The following INPP5K variants were observed in gnomAD, a reference collection of about 807,000 sequenced individuals.
The protein encoded by INPP5K is inositol polyphosphate-5-phosphatase K.
INPP5K carries 35 observed loss-of-function variants against 53.5 expected under a neutral mutation model. That is an observed-to-expected ratio of 0.65 (90% CI 0.50 to 0.87). The LOEUF (loss-of-function observed/expected upper bound fraction) is 0.87. INPP5K is among the 40% of genes least tolerant of loss of function. The pLI is 0.00. For missense variants in INPP5K, 550 were observed against 586.2 expected, an observed-to-expected ratio of 0.94 and a Z score of 0.64; for synonymous variants, 253 against 232.8, an observed-to-expected ratio of 1.09 and a Z score of -0.79.
intron 3 of INPP5K, among the ~76,000 whole-genome samples, chr17:1,512,598 G>A (rs1425762847): frequency 6.6e-6 from 1 of 152,164 alleles, no homozygotes; most frequent in Non-Finnish European, 1.5e-5. Context: ...CAGGTGCTGT[G>A]AATGGGAGTG....
In INPP5K at chr17:1,508,140, T is replaced by C. The variant is rs1598383042; in HGVS notation, c.641A>G (p.Tyr214Cys). The change falls in exon 6 of 12, where the codon TAC becomes TGC. Residue 214 changes from tyrosine to cysteine, a missense_variant. Transcript: ENST00000421807. ...FVRESIKNRC[Y>C]GGLWEKDQLS... ...CTGGTCCTTCTCCCACAGGCCACCGTAGCACCGATTTTTAATGGATTCCCG... is the reference window on the plus strand; with the variant it reads ...CTGGTCCTTCTCCCACAGGCCACCGCAGCACCGATTTTTAATGGATTCCCG... The C allele has an allele frequency of 6.2e-7, 1 of 1,613,916 alleles. No individual in the cohort carries two copies. The highest frequency in any genetic ancestry group is 2.2e-5 in the East Asian group (1 of 44,872).
intron 8 of INPP5K, chr17:1,497,649 C>T (rs892215660): frequency 3.5e-5 from 10 of 283,282 alleles, no homozygotes; most frequent in African/African-American, 2.1e-4. Context: ...AGAAGTCCTA[C>T]TTCTCACATT....
intron 1 of INPP5K, 61 bp downstream of exon 1, chr17:1,516,395 G>T (rs2075439277): frequency 2.0e-6 from 3 of 1,523,118 alleles, no homozygotes; most frequent in African/African-American, 1.4e-5. Flanking sequence ...CCCCCAGCCC[G>T]CAGCCCAAGG....
chr17:1,516,011 A>G (rs2075425730), intron 1 of INPP5K: 1 of 1,002,976 alleles, frequency 1.0e-6, no homozygotes, highest in Non-Finnish European at 1.2e-6. Flanking sequence ...CCCGTGAAAG[A>G]GCAGGCAAGA....
chr17:1,513,477 C>T lies in INPP5K; in HGVS notation c.237G>A (p.Val79=), dbSNP rs374694396. Residue 79 remains valine, a synonymous_variant, in exon 3 of 12, where the codon GTG becomes GTA. Transcript: ENST00000421807. ...CCTTGATGAAGCTCAGAGGGGAAAG[C>T]ACATCCATGAGGAAACTGCTCCACG... is the stretch of plus-strand genomic sequence containing the variant. ...NDSWSSFLMD[V]LSPLSFIKVS... 9.3e-6 allele frequency: 15 copies of T among 1,614,060 alleles called. No homozygotes were observed. The highest frequency in any genetic ancestry group is 1.3e-5 in the African/African-American group (1 of 74,916).
chr17:1,513,949 C>T lies in INPP5K; in HGVS notation c.75G>A (p.Ser25=), dbSNP rs377304934. 9.9e-6 allele frequency: 16 copies of T among 1,612,240 alleles called. No homozygotes were observed. The highest frequency in any genetic ancestry group is 5.0e-5 in the Admixed American group (3 of 59,784). ...SIHVVTWNVA[S]AAPPLDLSDL... is the part of the protein sequence containing the mutation. Reference sequence around the variant, plus strand: ...CACTGAGATCTAGAGGGGGCGCTGCCGAAGCCACGTTCCAAGTCACGACGT... The same window carrying T: ...CACTGAGATCTAGAGGGGGCGCTGCTGAAGCCACGTTCCAAGTCACGACGT... The change falls in exon 2 of 12, where the codon TCG becomes TCA. Residue 25 remains serine, a synonymous_variant. Coordinates refer to ENST00000421807, the MANE Select transcript of INPP5K (RefSeq NM_016532.4).
chr17:1,497,039 G>T (rs575329912), intron 8 of INPP5K, among the ~76,000 whole-genome samples: 1 of 152,348 alleles, frequency 6.6e-6, no homozygotes, highest in South Asian at 2.1e-4. Context: ...CCAGCGCTGG[G>T]GGGTAGGAAT....
intron 3 of INPP5K, chr17:1,510,476 G>A (rs2150990974): frequency 1.3e-5 from 2 of 152,410 alleles, no homozygotes; most frequent in East Asian, 3.9e-4. Context: ...CAAAGTGCTG[G>A]GATTGTAGGC....
intron 1 of INPP5K, chr17:1,516,140 A>G: frequency 7.1e-6 from 9 of 1,276,022 alleles, no homozygotes; most frequent in Non-Finnish European, 8.9e-6. Flanking sequence ...TAGGAAAAAG[A>G]TTTCTAACCG....
chr17:1,504,872 G>A (rs972873085), intron 7 of INPP5K, among the ~76,000 whole-genome samples: 4 of 152,164 alleles, frequency 2.6e-5, no homozygotes, highest in Non-Finnish European at 5.9e-5. Context: ...CCTGAGGTAC[G>A]ATGGGCTTGA....
chr17:1,503,993 C>T (rs1229072755), intron 7 of INPP5K, among the ~76,000 whole-genome samples: 1 of 152,182 alleles, frequency 6.6e-6, no homozygotes, highest in African/African-American at 2.4e-5. Flanking sequence ...CTGCTTTCTG[C>T]GAAACTCTGT....
intron 2 of INPP5K, 76 bp downstream of exon 2, chr17:1,513,796 A>AG (rs1457884033): frequency 8.7e-7 from 1 of 1,148,822 alleles, no homozygotes; most frequent in African/African-American, 1.5e-5. Flanking sequence ...AGAGCGGAGG[A>AG]GGGCAGGTCA....
intron 4 of INPP5K, 87 bp from the exon 5 acceptor site, chr17:1,509,440 T>C: frequency 7.7e-7 from 1 of 1,300,180 alleles, no homozygotes; most frequent in South Asian, 1.3e-5. Flanking sequence ...GGGCAGACAG[T>C]CTCACTTCCT....
chr17:1,506,294 G>C (rs568775693), intron 7 of INPP5K, among the ~76,000 whole-genome samples: 2 of 152,234 alleles, frequency 1.3e-5, no homozygotes, highest in South Asian at 4.2e-4. Context: ...CAAAGTGCTG[G>C]GATTACAGGT....
chr17:1,503,534 G>A (rs1480616888), intron 7 of INPP5K, among the ~76,000 whole-genome samples: 1 of 151,940 alleles, frequency 6.6e-6, no homozygotes, highest in African/African-American at 2.4e-5. Context: ...CACTCTGATG[G>A]TGAAACCTCA....
At chr17:1,506,804 G>A (rs946706313) in intron 7 of INPP5K, among the ~76,000 whole-genome samples, 176 bp downstream of exon 7, 5 of 151,674 alleles carry the variant, frequency 3.3e-5, no homozygotes, top group Non-Finnish European at 7.4e-5. Context: ...CTCGAGATCT[G>A]GGACGGCTCC....
At chr17:1,498,607 ATTTTATTT>A (rs1197046704) in intron 7 of INPP5K, among the ~76,000 whole-genome samples, 1 of 151,778 alleles carries the variant, frequency 6.6e-6, no homozygotes, top group Admixed American at 6.6e-5. Flanking sequence ...TTTAAATTTA[ATTTTATTT>A]TTTTAAAGAG....
intron 1 of INPP5K, chr17:1,515,320 T>C (rs1001701972): frequency 4.1e-6 from 2 of 489,666 alleles, no homozygotes; most frequent in African/African-American, 4.2e-5. Context: ...AAGTCATCAG[T>C]TGGATATTTT....
intron 7 of INPP5K, among the ~76,000 whole-genome samples, chr17:1,506,081 C>T (rs1213062209): frequency 5.3e-5 from 8 of 152,140 alleles, no homozygotes; most frequent in East Asian, 3.9e-4. Context: ...TGGAGTGCAG[C>T]GGTGAGATCT....
Sources: gnomAD v4.1 joint callset for allele counts (sites outside exome capture counted in the v4.1 genomes callset) on GRCh38, gnomAD v4.1.1 for gene constraint, MANE v1.5 for transcripts, NCBI Gene and HGNC (gene_info 2026-07-23, HGNC 2026-07-21) for gene names.